Variants in LRBA observed in about 807,000 individuals in gnomAD.
LRBA encodes the protein LPS responsive beige-like anchor protein.
LRBA carries 176 observed loss-of-function variants against 330.0 expected under a neutral mutation model. That is an observed-to-expected ratio of 0.53 (90% CI 0.47 to 0.60). The LOEUF is 0.60. Among genes scored for constraint, LRBA ranks in the 20% least tolerant of loss-of-function variants. The pLI is 0.00. For synonymous variants in LRBA, 1,230 were observed against 1,193.0 expected (o/e 1.03, Z -0.64); for missense variants, 3,259 against 3,444.8 (o/e 0.95, Z 1.35).
At chr4:150,603,357 T>C (rs1774308810) in intron 37 of LRBA, among the ~76,000 whole-genome samples, 2 of 152,240 alleles carry the variant, frequency 1.3e-5, no homozygotes, top group Admixed American at 1.3e-4. Context: ...TGGACTTTTC[T>C]ACATATACGT....
chr4:150,338,831 T>A (rs1243751374), intron 48 of LRBA, among the ~76,000 whole-genome samples: 1 of 152,192 alleles, frequency 6.6e-6, no homozygotes, highest in African/African-American at 2.4e-5. Context: ...GACTCTGGCA[T>A]TAGTTACCAA....
chr4:150,731,536 T>C (rs544000842), intron 36 of LRBA, among the ~76,000 whole-genome samples: 4 of 152,258 alleles, frequency 2.6e-5, no homozygotes, highest in South Asian at 2.1e-4. Context: ...TGAAATAAGC[T>C]ATGCGCAGAA....
At chr4:150,339,844 C>CTTTTTTTTT (rs33987955) in intron 48 of LRBA, among the ~76,000 whole-genome samples, 1 of 137,066 alleles carries the variant, frequency 7.3e-6, no homozygotes, top group East Asian at 2.1e-4. Flanking sequence ...GCTCCTTTTC[C>CTTTTTTTTT]TTTTTTTTTT....
chr4:150,396,466 TAATA>T (rs979425662), intron 47 of LRBA, among the ~76,000 whole-genome samples: 1 of 137,718 alleles, frequency 7.3e-6, no homozygotes, highest in African/African-American at 2.7e-5. Context: ...CCAATTCCCA[TAATA>T]AATCTCATCT....
chr4:150,861,816 T>C (rs1211336245), intron 22 of LRBA, among the ~76,000 whole-genome samples: 2 of 152,080 alleles, frequency 1.3e-5, no homozygotes, highest in Non-Finnish European at 2.9e-5. Flanking sequence ...CATTGTACAG[T>C]TGTAAAAAGA....
intron 44 of LRBA, among the ~76,000 whole-genome samples, chr4:150,437,443 A>G (rs928633284): frequency 3.3e-5 from 5 of 150,584 alleles, no homozygotes; most frequent in Non-Finnish European, 7.4e-5. Flanking sequence ...AGATATATAC[A>G]TATATATGTA....
chr4:150,672,879 C>G (rs1355662815), intron 37 of LRBA, among the ~76,000 whole-genome samples: 1 of 152,080 alleles, frequency 6.6e-6, no homozygotes, highest in African/African-American at 2.4e-5. Context: ...CATAACAAAT[C>G]TATTTTGAAA....
intron 25 of LRBA, 112 bp from the exon 26 acceptor site, chr4:150,849,110 A>G: frequency 1.5e-6 from 1 of 681,612 alleles, no homozygotes; most frequent in South Asian, 2.3e-5. Context: ...TCAGAAACCT[A>G]GTAACACAGA....
At chr4:150,812,007 T>C (rs936768520) in intron 31 of LRBA, among the ~76,000 whole-genome samples, 4 of 152,198 alleles carry the variant, frequency 2.6e-5, no homozygotes, top group African/African-American at 9.6e-5. Context: ...GAAGACACTT[T>C]ACCAACACGG....
At chr4:150,712,671 A>G (rs185606029) in intron 36 of LRBA, among the ~76,000 whole-genome samples, 4 of 152,280 alleles carry the variant, frequency 2.6e-5, no homozygotes, top group Admixed American at 2.0e-4. Flanking sequence ...ATAGCAAAAT[A>G]TTTACTGCCA....
intron 37 of LRBA, among the ~76,000 whole-genome samples, chr4:150,604,242 CA>C (rs887628047): frequency 2.7e-3 from 381 of 141,328 alleles, no homozygotes; most frequent in Non-Finnish European, 3.7e-3. Flanking sequence ...GACCCTGGTT[CA>C]AAAAAAAAAA....
At chr4:150,829,005 G>A (rs962417991) in intron 29 of LRBA, among the ~76,000 whole-genome samples, 2 of 150,120 alleles carry the variant, frequency 1.3e-5, no homozygotes, top group African/African-American at 4.9e-5. Context: ...TGTGACCTAG[G>A]CTCACTGCAG....
At chr4:150,991,303 T>C (rs958293363) in intron 2 of LRBA, among the ~76,000 whole-genome samples, 6 of 152,166 alleles carry the variant, frequency 3.9e-5, no homozygotes, top group Admixed American at 2.0e-4. Context: ...TGACAGTTCT[T>C]ATGAAGTTAA....
intron 40 of LRBA, among the ~76,000 whole-genome samples, chr4:150,554,758 C>T (rs1413063616): frequency 6.6e-6 from 1 of 152,002 alleles, no homozygotes; most frequent in Non-Finnish European, 1.5e-5. Flanking sequence ...TTCAACAAAA[C>T]ATTCTATTAC....
intron 2 of LRBA, among the ~76,000 whole-genome samples, chr4:150,989,186 A>C (rs1741794627): frequency 6.6e-6 from 1 of 151,714 alleles, no homozygotes; most frequent in Non-Finnish European, 1.5e-5. Context: ...CTGTATTGTT[A>C]GTAGAGATGG....
At chr4:150,393,767 T>C (rs1045041131) in intron 47 of LRBA, among the ~76,000 whole-genome samples, 3 of 152,226 alleles carry the variant, frequency 2.0e-5, no homozygotes, top group African/African-American at 7.2e-5. Context: ...ATTATGGGCA[T>C]GAGCCACTGC....
intron 38 of LRBA, among the ~76,000 whole-genome samples, chr4:150,591,899 C>T (rs988883866): frequency 5.3e-5 from 8 of 152,146 alleles, no homozygotes; most frequent in East Asian, 1.9e-4. Flanking sequence ...CCTTCCAGGG[C>T]TCCTCCTGTT....
At chr4:150,902,909 T>C (rs1251472341) in intron 13 of LRBA, among the ~76,000 whole-genome samples, 1 of 152,190 alleles carries the variant, frequency 6.6e-6, no homozygotes, top group Non-Finnish European at 1.5e-5. Context: ...GAACCACCAC[T>C]GTAGGGAAAC....
intron 36 of LRBA, among the ~76,000 whole-genome samples, chr4:150,694,830 A>G (rs1287430941): frequency 6.6e-6 from 1 of 152,134 alleles, no homozygotes; most frequent in African/African-American, 2.4e-5. Context: ...CTCAGACAAT[A>G]TTTTTAAATA....
Sources: gnomAD v4.1 joint callset for allele counts (sites outside exome capture counted in the v4.1 genomes callset) on GRCh38, gnomAD v4.1.1 for gene constraint, MANE v1.5 for transcripts, NCBI Gene and HGNC (gene_info 2026-07-23, HGNC 2026-07-21) for gene names.